Variants in STK33 observed in about 807,000 individuals in gnomAD.
The protein encoded by STK33 is serine/threonine kinase 33, also known as serine/threonine-protein kinase 33.
Under a neutral mutation model 58.0 loss-of-function variants are expected in STK33, and 52 were observed. That is an observed-to-expected ratio of 0.90 (90% CI 0.72 to 1.13). The LOEUF is 1.13. Ranked by LOEUF, STK33 falls within the 50% of genes most tolerant of loss-of-function variation. STK33 has a pLI of 0.00. For missense variants in STK33, 630 were observed against 604.2 expected, an observed-to-expected ratio of 1.04 and a Z score of -0.45; for synonymous variants, 215 against 200.1, an observed-to-expected ratio of 1.07 and a Z score of -0.63.
chr11:8,579,521 A>C (rs755094910), intron 1 of STK33, among the ~76,000 whole-genome samples: 1 of 152,006 alleles, frequency 6.6e-6, no homozygotes, highest in Non-Finnish European at 1.5e-5. Context: ...AATATTTTTA[A>C]TTTAAGAGCA....
chr11:8,345,850 TAAG>T, the STK33 span, among the ~76,000 whole-genome samples: 8 of 152,158 alleles, frequency 5.3e-5, no homozygotes, highest in African/African-American at 1.9e-4. Context: ...AGACCGCTCT[TAAG>T]AAAGCAGCAG....
chr11:8,523,764 C>T (rs913882108), intron 1 of STK33, among the ~76,000 whole-genome samples: 7 of 151,796 alleles, frequency 4.6e-5, no homozygotes, highest in South Asian at 2.1e-4. Context: ...GCCCGGCCGC[C>T]GCGTCTGGGA....
intron 1 of STK33, among the ~76,000 whole-genome samples, chr11:8,482,182 C>G: frequency 6.6e-6 from 1 of 152,166 alleles, no homozygotes. Flanking sequence ...AGAACAAAAG[C>G]ATTTAGAATG....
intron 1 of STK33, among the ~76,000 whole-genome samples, chr11:8,578,039 C>G (rs1958309324): frequency 6.6e-6 from 1 of 152,072 alleles, no homozygotes; most frequent in African/African-American, 2.4e-5. Context: ...ATGCAGACAT[C>G]TCTCACTACA....
chr11:8,439,869 T>TTATATATATATATATATATATA (rs551629890), intron 12 of STK33, among the ~76,000 whole-genome samples: 5,499 of 106,362 alleles, frequency 0.052, 383 homozygotes, highest in Middle Eastern at 0.072. Context: ...TATATTATAA[T>TTATATATATATATATATATATA]TATATATATA....
In STK33 at chr11:8,498,294, AACAG is replaced by A. The variant is rs568647128; in HGVS notation, c.-465-17684_-465-17681del. 7.4e-3 allele frequency among the ~76,000 whole-genome samples: 1,127 copies of A among 152,302 alleles called. 11 individuals are homozygous for A. The highest frequency in any genetic ancestry group is 0.037 in the Middle Eastern group (11 of 294). On this transcript the variant is annotated intron_variant, in intron 1 of 15. Coordinates refer to ENST00000687296, the MANE Select transcript of STK33 (RefSeq NM_001352389.2). ...AACCCAAGCATTCCTATACACCAAT[AACAG>A]ACAAACAGAGAGCCAAATCATGAGT...
intron 14 of STK33, among the ~76,000 whole-genome samples, chr11:8,421,928 A>G (rs933702986): frequency 6.6e-6 from 1 of 152,106 alleles, no homozygotes; most frequent in Non-Finnish European, 1.5e-5. Flanking sequence ...AAATCCAGCT[A>G]CCTTTCTCAG....
intron 1 of STK33, among the ~76,000 whole-genome samples, chr11:8,488,141 G>T (rs1284044796): frequency 6.6e-6 from 1 of 152,182 alleles, no homozygotes; most frequent in Non-Finnish European, 1.5e-5. Flanking sequence ...TTATAAGTCA[G>T]TCTGTATTTG....
chr11:8,530,865 A>G (rs1954480906), intron 1 of STK33, among the ~76,000 whole-genome samples: 1 of 151,952 alleles, frequency 6.6e-6, no homozygotes, highest in Non-Finnish European at 1.5e-5. Flanking sequence ...TAATTTTTCT[A>G]TTTTTAGTAG....
chr11:8,450,052 G>A (rs960088587), intron 11 of STK33, among the ~76,000 whole-genome samples: 9 of 152,068 alleles, frequency 5.9e-5, no homozygotes, highest in Admixed American at 1.3e-4. Flanking sequence ...CCATTACTGC[G>A]TATATATATA....
At chr11:8,569,677 C>T (rs1957672151) in intron 1 of STK33, among the ~76,000 whole-genome samples, 1 of 152,122 alleles carries the variant, frequency 6.6e-6, no homozygotes, top group African/African-American at 2.4e-5. Context: ...CAATAGGTGG[C>T]CAGGAATGGT....
chr11:8,462,842 C>G (rs950271861), intron 7 of STK33, among the ~76,000 whole-genome samples: 2 of 152,118 alleles, frequency 1.3e-5, no homozygotes, highest in African/African-American at 2.4e-5. Context: ...CAAATCATCA[C>G]CCCTATTGAT....
At position 8,575,842 on chromosome 11, in the gene STK33, T is replaced by C. The variant is rs369942859; in HGVS notation, c.-466+18241A>G. On this transcript the variant is annotated intron_variant, in intron 1 of 15. Transcript: ENST00000687296. ...GTTTGAAAATCAATCTAACTTACCA[T>C]AGTAACAGACTAAAAAAGAAAAACT... 5.9e-5 allele frequency among the ~76,000 whole-genome samples: 9 copies of C among 152,162 alleles called. No homozygotes were observed. In the East Asian group the frequency reaches 9.6e-4, roughly 16 times the overall value.
At chr11:8,534,568 C>CTCTCTCTGTGTGTGTGTGTGTG (rs1402710450) in intron 1 of STK33, among the ~76,000 whole-genome samples, 1 of 104,694 alleles carries the variant, frequency 9.6e-6, no homozygotes, top group African/African-American at 4.1e-5. Flanking sequence ...CTCTCTCTCT[C>CTCTCTCTGTGTGTGTGTGTGTG]TGTGTGTGTG....
chr11:8,494,033 T>C lies in STK33; in HGVS notation c.-465-13419A>G, dbSNP rs185006548. Among the ~76,000 whole-genome samples the C allele has an allele frequency of 1.2e-3, 176 of 152,236 alleles. 2 individuals are homozygous for C. The Middle Eastern group carries it at 0.024, about 21-fold the overall frequency. ...ACTGGAAGCATTCCCTTTGAAAACCTGCACAAGACAGGGATGCCCTCTCTC... is the reference window on the plus strand; with the variant it reads ...ACTGGAAGCATTCCCTTTGAAAACCCGCACAAGACAGGGATGCCCTCTCTC... On this transcript the variant is annotated intron_variant, in intron 1 of 15. Coordinates refer to ENST00000687296, the MANE Select transcript of STK33 (RefSeq NM_001352389.2).
At position 8,515,162 on chromosome 11, in the gene STK33, T is replaced by C. The variant is rs140726353; in HGVS notation, c.-465-34548A>G. On this transcript the variant is annotated intron_variant, in intron 1 of 15. Coordinates refer to ENST00000687296, the MANE Select transcript of STK33 (RefSeq NM_001352389.2). Reference sequence around the variant, plus strand: ...AAGAGACATATGGAATAAACAAAATTGACAAACTCTTAGCTATACTAAGAA... The same window carrying C: ...AAGAGACATATGGAATAAACAAAATCGACAAACTCTTAGCTATACTAAGAA... 7.3e-3 allele frequency among the ~76,000 whole-genome samples: 1,103 copies of C among 151,338 alleles called. 10 individuals are homozygous for C. Among genetic ancestry groups the C allele is most frequent in the African/African-American group, 0.025 (1,023 of 41,246 alleles).
chr11:8,560,453 T>C (rs948814018), intron 1 of STK33, among the ~76,000 whole-genome samples: 14 of 150,838 alleles, frequency 9.3e-5, no homozygotes, highest in African/African-American at 3.5e-4. Flanking sequence ...TAAATATTAA[T>C]GATATCAATC....
chr11:8,451,605 A>G (rs1453071949), intron 11 of STK33, among the ~76,000 whole-genome samples: 1 of 152,246 alleles, frequency 6.6e-6, no homozygotes, highest in Non-Finnish European at 1.5e-5. Flanking sequence ...GGACTGGGAT[A>G]GGAATAAGAT....
In STK33 at chr11:8,473,374, G is replaced by A. The variant is rs1355730823; in HGVS notation, c.226-98C>T. On this transcript the variant is annotated intron_variant, in intron 5 of 15. Transcript: ENST00000687296. Reference sequence around the variant, plus strand: ...TTAGATAATCTGATAACTCTTTAACGTGTGCCATGTTTACTATGCACAAGA... The same window carrying A: ...TTAGATAATCTGATAACTCTTTAACATGTGCCATGTTTACTATGCACAAGA... 86 of 719,898 alleles carry A rather than the reference G, an allele frequency of 1.2e-4. 2 individuals are homozygous for A. In the Admixed American group the frequency reaches 1.5e-3, roughly 13 times the overall value. 44.6% of individuals were successfully genotyped at this position (719,898 alleles called of 1,614,324 possible).
Sources: gnomAD v4.1 joint callset for allele counts (sites outside exome capture counted in the v4.1 genomes callset) on GRCh38, gnomAD v4.1.1 for gene constraint, MANE v1.5 for transcripts, NCBI Gene and HGNC (gene_info 2026-07-23, HGNC 2026-07-21) for gene names.